The following MED18 variants were observed in gnomAD, a reference collection of about 807,000 sequenced individuals.
The protein encoded by MED18 is mediator of RNA polymerase II transcription subunit 18.
A neutral mutation model predicts 13.9 loss-of-function variants in MED18; 10 were observed. The ratio of observed to expected loss-of-function variants is 0.72; its 90% confidence interval spans 0.44 to 1.22. The LOEUF (loss-of-function observed/expected upper bound fraction) is 1.22. Among genes scored for constraint, MED18 ranks in the 50% most tolerant of loss-of-function variants. The pLI, the probability that MED18 is intolerant of heterozygous loss-of-function variation, is 0.00. For synonymous variants in MED18, 88 were observed against 93.2 expected (o/e 0.94, Z 0.32); for missense variants, 216 against 279.0 (o/e 0.77, Z 1.61).
At position 28,335,206 on chromosome 1, in the gene MED18, T is replaced by C. The variant is rs1209105938; in HGVS notation, c.*236T>C. 2 of 450,576 alleles carry C rather than the reference T, an allele frequency of 4.4e-6. No homozygotes were observed. The highest frequency in any genetic ancestry group is 3.9e-5 in the African/African-American group (2 of 50,976). The allele number at this position is 450,576 out of a possible 1,614,324, so 27.9% of individuals were successfully genotyped here. On this transcript the variant is annotated 3_prime_UTR_variant, in exon 3 of 3. Coordinates refer to ENST00000373842, the MANE Select transcript of MED18 (RefSeq NM_017638.3). ...ACAGGCACATGCCACCATGCTCAGC[T>C]AATTTTTGTATTTTTAGTAGAAATG...
chr1:28,331,593 A>G (rs894566066), intron 2 of MED18, among the ~76,000 whole-genome samples: 2 of 152,006 alleles, frequency 1.3e-5, no homozygotes, highest in African/African-American at 2.4e-5. Flanking sequence ...TGGCCTCCCA[A>G]AGTGCTAGGA....
At chr1:28,331,403 C>T (rs1649730333) in intron 2 of MED18, among the ~76,000 whole-genome samples, 1 of 151,978 alleles carries the variant, frequency 6.6e-6, no homozygotes, top group African/African-American at 2.4e-5. Context: ...CAGCTCACTG[C>T]AACCTCTATC....
rs916826583 is a variant in MED18, at chr1:28,329,114, A to G, written c.-133A>G. On this transcript the variant is annotated 5_prime_UTR_variant, in exon 1 of 3. Coordinates refer to ENST00000373842, the MANE Select transcript of MED18 (RefSeq NM_017638.3). ...AGTGCTGGTATCTAATCGTCGCTCAAAAGCTCCTAGGTGCGCGGGTGGATA... is the reference window on the plus strand; with the variant it reads ...AGTGCTGGTATCTAATCGTCGCTCAGAAGCTCCTAGGTGCGCGGGTGGATA... 1 of 152,190 alleles carries G rather than the reference A, an allele frequency of 6.6e-6. No individual in the cohort carries two copies. Among genetic ancestry groups the G allele is most frequent in the African/African-American group, 2.4e-5 (1 of 41,432 alleles). The allele number at this position is 152,190 out of a possible 1,614,324, so 9.4% of individuals were successfully genotyped here.
chr1:28,329,643 A>G (rs553232738), intron 1 of MED18, among the ~76,000 whole-genome samples: 1 of 152,158 alleles, frequency 6.6e-6, no homozygotes, highest in Non-Finnish European at 1.5e-5. Flanking sequence ...TCCCGCCTGT[A>G]GTAGTCCCAG....
Position 28,330,601 on chromosome 1 carries a change from AT to A in MED18, c.-61del. On this transcript the variant is annotated 5_prime_UTR_variant, in exon 2 of 3. Coordinates refer to ENST00000373842, the MANE Select transcript of MED18 (RefSeq NM_017638.3). ...AACAAGTGAACTCTTTTCCAGGTAT[AT>A]CCCGTGCCTTACCTGACTGGGGGCT... 7.5e-7 allele frequency: 1 copy of A among 1,327,884 alleles called. No homozygotes were observed. The highest frequency in any genetic ancestry group is 1.2e-5 in the South Asian group (1 of 81,002). The allele number at this position is 1,327,884 out of a possible 1,614,324, so 82.3% of individuals were successfully genotyped here.
intron 2 of MED18, among the ~76,000 whole-genome samples, chr1:28,331,267 TAAAC>T (rs1649725329): frequency 1.3e-5 from 2 of 152,128 alleles, no homozygotes; most frequent in South Asian, 2.1e-4. Context: ...TTAACATTGT[TAAAC>T]AACAGATCTT....
chr1:28,329,532 C>A (rs1428890339), intron 1 of MED18, among the ~76,000 whole-genome samples: 3 of 152,044 alleles, frequency 2.0e-5, no homozygotes. Context: ...AGTTGATCCG[C>A]CGGCCTCGGC....
intron 1 of MED18, among the ~76,000 whole-genome samples, chr1:28,329,933 CT>C (rs1649652719): frequency 6.6e-6 from 1 of 152,134 alleles, no homozygotes; most frequent in African/African-American, 2.4e-5. Context: ...TTTGTTGCCT[CT>C]TTATTATCTC....
intron 2 of MED18, 58 bp downstream of exon 2, chr1:28,330,793 T>A: frequency 7.3e-7 from 1 of 1,368,286 alleles, no homozygotes; most frequent in Non-Finnish European, 1.0e-6. Context: ...CAGCTTCCCT[T>A]AAGATGAGAG....
intron 2 of MED18, 102 bp from the exon 3 acceptor site, chr1:28,334,315 C>T: frequency 8.0e-7 from 1 of 1,251,762 alleles, no homozygotes; most frequent in Non-Finnish European, 1.1e-6. Context: ...TGAAATGCTT[C>T]ACTAAACTGT....
intron 1 of MED18, among the ~76,000 whole-genome samples, chr1:28,329,634 C>T (rs944404480): frequency 6.6e-6 from 1 of 152,110 alleles, no homozygotes; most frequent in African/African-American, 2.4e-5. Flanking sequence ...AGTGTGGTCT[C>T]CCGCCTGTAG....
chr1:28,331,184 ACT>A lies in MED18; in HGVS notation c.73+452_73+453del, dbSNP rs1309728020. On this transcript the variant is annotated intron_variant, in intron 2 of 2. Transcript: ENST00000373842. ...ACTCCAGCCTGGGCGACAGAGTGAG[ACT>A]CTGTCTCAAAAAAAAAAAAAAATTG... Among the ~76,000 whole-genome samples the A allele has an allele frequency of 1.3e-4, 19 of 147,288 alleles. 1 individual carries two copies. The South Asian group carries it at 3.6e-3, about 28-fold the overall frequency.
chr1:28,335,064 C>T lies in MED18; in HGVS notation c.*94C>T, dbSNP rs1649896109. 2 of 1,220,704 alleles carry T rather than the reference C, an allele frequency of 1.6e-6. No individual in the cohort carries two copies. The highest frequency in any genetic ancestry group is 1.5e-5 in the South Asian group (1 of 64,656). 75.6% of individuals were successfully genotyped at this position (1,220,704 alleles called of 1,614,324 possible). Reference sequence around the variant, plus strand: ...TTTTTGTTTTGTTTTGTTTTTGAGACAGAGTCTCGCTTTGTTTCCCAGGCT... The same window carrying T: ...TTTTTGTTTTGTTTTGTTTTTGAGATAGAGTCTCGCTTTGTTTCCCAGGCT... On this transcript the variant is annotated 3_prime_UTR_variant, in exon 3 of 3. Coordinates refer to ENST00000373842, the MANE Select transcript of MED18 (RefSeq NM_017638.3).
intron 2 of MED18, among the ~76,000 whole-genome samples, chr1:28,333,620 G>C (rs573944661): frequency 4.3e-4 from 66 of 152,298 alleles, no homozygotes; most frequent in African/African-American, 1.5e-3. Context: ...TCAGCACTTT[G>C]GGAGGCTGAG....
chr1:28,329,165 C>T lies in MED18; in HGVS notation c.-82C>T, dbSNP rs1340446283. The stretch of plus-strand genomic sequence containing the variant: ...TAATTCCCGGCTTCTCGAGAAGACA[C>T]TACAGCCTCAAGGAGGTGTGCTTCT... On this transcript the variant is annotated 5_prime_UTR_variant, in exon 1 of 3. Transcript: ENST00000373842. 1 of 152,138 alleles carries T rather than the reference C, an allele frequency of 6.6e-6. No homozygotes were observed. The highest frequency in any genetic ancestry group is 2.4e-5 in the African/African-American group (1 of 41,434). The allele number at this position is 152,138 out of a possible 1,614,324, so 9.4% of individuals were successfully genotyped here.
chr1:28,335,097 A>AGTGGCACGATCTCGGCTCACT lies in MED18; in HGVS notation c.*129_*149dup, dbSNP rs1553177660. 1.8e-5 allele frequency: 16 copies of AGTGGCACGATCTCGGCTCACT among 903,118 alleles called. No homozygotes were observed. Among genetic ancestry groups the AGTGGCACGATCTCGGCTCACT allele is most frequent in the Non-Finnish European group, 2.5e-5 (15 of 609,018 alleles). The allele number at this position is 903,118 out of a possible 1,614,324, so 55.9% of individuals were successfully genotyped here. ...CGCTTTGTTTCCCAGGCTGGAGTGC[A>AGTGGCACGATCTCGGCTCACT]GTGGCACGATCTCGGCTCACTGCAA... On this transcript the variant is annotated 3_prime_UTR_variant, in exon 3 of 3. Coordinates refer to ENST00000373842, the MANE Select transcript of MED18 (RefSeq NM_017638.3).
Position 28,334,540 on chromosome 1 carries a change from G to T in MED18, c.197G>T (p.Ser66Ile), listed in dbSNP as rs763078460. ...TTCCTCCTTAAGGGCCAGCAAGCCAGCCCATTTGTTCTCAGGGCCCGACGC... is the reference window on the plus strand; with the variant it reads ...TTCCTCCTTAAGGGCCAGCAAGCCATCCCATTTGTTCTCAGGGCCCGACGC... ...MVFLLKGQQASPFVLRARRSM... is the reference protein window; with the variant it reads ...MVFLLKGQQAIPFVLRARRSM... The change falls in exon 3 of 3, where the codon AGC becomes ATC. Residue 66 changes from serine to isoleucine, a missense_variant. Transcript: ENST00000373842. The T allele has an allele frequency of 1.2e-6, 2 of 1,614,164 alleles. No individual in the cohort carries two copies. Among genetic ancestry groups the T allele is most frequent in the South Asian group, 1.1e-5 (1 of 91,080 alleles).
intron 1 of MED18, among the ~76,000 whole-genome samples, chr1:28,330,005 C>CA (rs368026232): frequency 1.4e-4 from 21 of 152,140 alleles, no homozygotes; most frequent in African/African-American, 2.2e-4. Context: ...CACGGTGGCT[C>CA]ACACCTGTAA....
intron 1 of MED18, chr1:28,330,232 G>A (rs1403622030): frequency 2.0e-5 from 3 of 152,564 alleles, no homozygotes; most frequent in African/African-American, 5.2e-5. Context: ...CAGAGATTGC[G>A]CCATTGCACT....
Sources: gnomAD v4.1 joint callset for allele counts (sites outside exome capture counted in the v4.1 genomes callset) on GRCh38, gnomAD v4.1.1 for gene constraint, MANE v1.5 for transcripts, NCBI Gene and HGNC (gene_info 2026-07-23, HGNC 2026-07-21) for gene names.